The following NFATC2 variants were observed in gnomAD, a reference collection of about 807,000 sequenced individuals.
NFATC2 encodes nuclear factor of activated T cells 2, also known as nuclear factor of activated T-cells, cytoplasmic 2.
In NFATC2, 22 loss-of-function variants were observed where a neutral mutation model predicts 87.3. The observed-to-expected ratio is 0.25, with a 90% CI of 0.18 to 0.36. NFATC2 has a LOEUF of 0.36. Ranked by LOEUF, NFATC2 falls within the 10% of genes least tolerant of loss-of-function variation. The pLI, the probability that NFATC2 is intolerant of heterozygous loss-of-function variation, is 1.00. For synonymous variants in NFATC2, 565 were observed against 542.2 expected (o/e 1.04, Z -0.58); for missense variants, 1,149 against 1,259.1 (o/e 0.91, Z 1.32).
chr20:51,480,105 T>C lies in NFATC2; in HGVS notation c.1333-4445A>G, dbSNP rs543018396. Among the ~76,000 whole-genome samples the C allele has an allele frequency of 2.0e-5, 3 of 151,770 alleles. No individual in the cohort carries two copies. Among genetic ancestry groups the C allele is most frequent in the Admixed American group, 2.0e-4 (3 of 15,238 alleles). On this transcript the variant is annotated intron_variant, in intron 3 of 10. Coordinates refer to ENST00000371564, the MANE Select transcript of NFATC2 (RefSeq NM_012340.5). The surrounding 1 kb of genome is among the most constrained non-coding windows in gnomAD (Gnocchi z 4.2). ...GAGTTCAAGACCAGCCCGGGCAACATGGTGAAACCCCGTCTCTGTGAAAAA... is the reference window on the plus strand; with the variant it reads ...GAGTTCAAGACCAGCCCGGGCAACACGGTGAAACCCCGTCTCTGTGAAAAA...
At chr20:51,479,376 G>T (rs1304498058) in intron 3 of NFATC2, among the ~76,000 whole-genome samples, 1 of 152,126 alleles carries the variant, frequency 6.6e-6, no homozygotes, top group African/African-American at 2.4e-5. Context: ...CCAGCACATT[G>T]GGAGGCCAAG....
chr20:51,439,876 T>C (rs770639603), intron 6 of NFATC2, among the ~76,000 whole-genome samples: 2 of 152,192 alleles, frequency 1.3e-5, no homozygotes, highest in Non-Finnish European at 2.9e-5. Flanking sequence ...GAGATAATCA[T>C]AGTACCCACA....
chr20:51,431,416 C>A (rs984588479), intron 9 of NFATC2, among the ~76,000 whole-genome samples: 1 of 152,176 alleles, frequency 6.6e-6, no homozygotes, highest in Non-Finnish European at 1.5e-5. Context: ...CGGGCACCTA[C>A]AGACTCACAC....
intron 3 of NFATC2, among the ~76,000 whole-genome samples, chr20:51,489,166 G>A (rs2075839417): frequency 6.6e-6 from 1 of 152,210 alleles, no homozygotes; most frequent in Non-Finnish European, 1.5e-5. Context: ...CTGTAGCCTG[G>A]GCAACAGAGT....
rs749002817 is a variant in NFATC2 at position 51,435,773 on chromosome 20, C to T, written c.1850-12G>A. The T allele has an allele frequency of 6.3e-7, 1 of 1,590,794 alleles. No homozygotes were observed. The highest frequency in any genetic ancestry group is 1.1e-5 in the South Asian group (1 of 87,458). On this transcript the variant is annotated splice_polypyrimidine_tract_variant and intron_variant, in intron 6 of 10. Coordinates refer to ENST00000371564, the MANE Select transcript of NFATC2 (RefSeq NM_012340.5). ...AATTTGCTGTCCATCTAGAAAAATT[C>T]AAAAATGACAGACTTTGAAGGAACT...
chr20:51,432,395 G>T lies in NFATC2; in HGVS notation c.2394C>A (p.Leu798=). Residue 798 remains leucine (L), a synonymous_variant, in exon 9 of 11, where the codon CTC becomes CTA. Coordinates refer to ENST00000371564, the MANE Select transcript of NFATC2 (RefSeq NM_012340.5). The surrounding 1 kb of genome is among the most constrained non-coding windows in gnomAD (Gnocchi z 4.6). ...CCTGCTGGTTGGTCGGAGAGGGGTGGAGCAGGGCTGAGCTCTGGCCCTGGG... is the reference window on the plus strand; with the variant it reads ...CCTGCTGGTTGGTCGGAGAGGGGTGTAGCAGGGCTGAGCTCTGGCCCTGGG... ...AGSQGQSSAL[L]HPSPTNQQAS... 12 of 1,603,310 alleles carry T rather than the reference G, an allele frequency of 7.5e-6. No individual in the cohort carries two copies. Among genetic ancestry groups the T allele is most frequent in the Non-Finnish European group, 1.0e-5 (12 of 1,173,288 alleles).
At chr20:51,410,652 G>A (rs1308076568) in intron 9 of NFATC2, among the ~76,000 whole-genome samples, 1 of 152,096 alleles carries the variant, frequency 6.6e-6, no homozygotes, top group East Asian at 1.9e-4. Context: ...ATTATTTGGA[G>A]AGAAGGAAGA....
chr20:51,523,226 C>A lies in NFATC2; in HGVS notation c.1015G>T (p.Ala339Ser). 1 of 1,613,722 alleles carries A rather than the reference C, an allele frequency of 6.2e-7. No individual in the cohort carries two copies. Among genetic ancestry groups the A allele is most frequent in the Non-Finnish European group, 8.5e-7 (1 of 1,179,778 alleles). The stretch of plus-strand genomic sequence containing the variant: ...GGGTAGATGTGGCGAGGCAGGCCGG[C>A]CTTGGATGGGGCGGCAGACACCGGC... ...PSPVSAAPSK[A>S]GLPRHIYPAV... The change falls in exon 2 of 11, where the codon GCC becomes TCC. Residue 339 changes from alanine to serine, a missense_variant. Coordinates refer to ENST00000371564, the MANE Select transcript of NFATC2 (RefSeq NM_012340.5). This position sits in a 1 kb window ranked among gnomAD's most constrained non-coding sequence, Gnocchi z 6.9.
intron 6 of NFATC2, among the ~76,000 whole-genome samples, chr20:51,445,620 T>A (rs1490325047): frequency 6.6e-6 from 1 of 152,142 alleles, no homozygotes; most frequent in African/African-American, 2.4e-5. Context: ...CCCCCCTAAC[T>A]CCACACGCTT....
intron 1 of NFATC2, among the ~76,000 whole-genome samples, chr20:51,541,770 G>A (rs1200268584): frequency 1.3e-5 from 2 of 152,064 alleles, no homozygotes; most frequent in Non-Finnish European, 1.5e-5. Context: ...TAATACCAAA[G>A]GTTTTAACCC....
chr20:51,475,596 C>A lies in NFATC2; in HGVS notation c.1397G>T (p.Arg466Leu). 1.2e-6 allele frequency: 2 copies of A among 1,614,100 alleles called. No homozygotes were observed. The highest frequency in any genetic ancestry group is 1.7e-6 in the Non-Finnish European group (2 of 1,180,020). ...LQIFIGTADERILKPHAFYQV... is the reference protein window; with the variant it reads ...LQIFIGTADELILKPHAFYQV... ...GTAGAAGGCGTGCGGCTTAAGGATCCGCTCATCAGCTGTCCCAATGAAGAT... is the reference window on the plus strand; with the variant it reads ...GTAGAAGGCGTGCGGCTTAAGGATCAGCTCATCAGCTGTCCCAATGAAGAT... Residue 466 changes from arginine (R) to leucine (L), a missense_variant, in exon 4 of 11, where the codon CGG becomes CTG. Transcript: ENST00000371564.
chr20:51,445,449 CA>C lies in NFATC2; in HGVS notation c.1849+9098del, dbSNP rs901133172. ...TCTATCCAGAGTTACCAGATTTAAC[CA>C]ATAAAAATACAGGATGTTCAGTTAA... On this transcript the variant is annotated intron_variant, in intron 6 of 10. Coordinates refer to ENST00000371564, the MANE Select transcript of NFATC2 (RefSeq NM_012340.5). 6.6e-5 allele frequency among the ~76,000 whole-genome samples: 10 copies of C among 152,264 alleles called. 2 individuals carry two copies. Among genetic ancestry groups the C allele is most frequent in the Admixed American group, 2.0e-4 (3 of 15,294 alleles).
rs1250412873 is a variant in NFATC2 at position 51,389,094 on chromosome 20, G to C, written c.*2402C>G. 6.6e-6 allele frequency: 1 copy of C among 152,124 alleles called. No individual in the cohort carries two copies. The highest frequency in any genetic ancestry group is 1.5e-5 in the Non-Finnish European group (1 of 68,026). 9.4% of individuals were successfully genotyped at this position (152,124 alleles called of 1,614,324 possible). A position where few individuals can be genotyped will look rare whatever the true frequency, so the allele number is the denominator to read the frequency against. ...ATTTGTTACAGTTGTTTATGAAAGT[G>C]CTTCCTATAATATCCAGCTAAGATG... On this transcript the variant is annotated 3_prime_UTR_variant, in exon 11 of 11. Coordinates refer to ENST00000371564, the MANE Select transcript of NFATC2 (RefSeq NM_012340.5).
intron 5 of NFATC2, among the ~76,000 whole-genome samples, chr20:51,460,869 C>T (rs551968211): frequency 3.9e-4 from 59 of 152,262 alleles, no homozygotes; most frequent in African/African-American, 1.4e-3. Context: ...TCAGAAGGTG[C>T]TAGATAAAAA....
At chr20:51,429,297 G>A (rs574899054) in intron 9 of NFATC2, among the ~76,000 whole-genome samples, 1 of 152,356 alleles carries the variant, frequency 6.6e-6, no homozygotes, top group East Asian at 1.9e-4. Context: ...CCCATTGGAG[G>A]GTCCTGGGGT....
At chr20:51,457,341 G>A (rs1468227528) in intron 5 of NFATC2, among the ~76,000 whole-genome samples, 1 of 152,210 alleles carries the variant, frequency 6.6e-6, no homozygotes, top group Non-Finnish European at 1.5e-5. Context: ...ATCGCTACTG[G>A]GCAAGCCAGC....
At chr20:51,536,064 C>T (rs2076714713) in intron 1 of NFATC2, among the ~76,000 whole-genome samples, 2 of 152,198 alleles carry the variant, frequency 1.3e-5, no homozygotes, top group Non-Finnish European at 2.9e-5. Flanking sequence ...CAGGACCATC[C>T]ACCGGGATGG....
At chr20:51,543,603 G>C (rs2076859864), upstream of NFATC2, among the ~76,000 whole-genome samples, 1 of 152,196 alleles carries the variant, frequency 6.6e-6, no homozygotes, top group Non-Finnish European at 1.5e-5. Context: ...TGATGGGGCG[G>C]TTGGCAAGTG....
chr20:51,491,861 AAC>A (rs2075891550), intron 3 of NFATC2, among the ~76,000 whole-genome samples: 2 of 64,880 alleles, frequency 3.1e-5, no homozygotes, highest in African/African-American at 1.3e-4. Context: ...CACCCCCACC[AAC>A]ACACACATAC....
Sources: gnomAD v4.1 joint callset for allele counts (sites outside exome capture counted in the v4.1 genomes callset) on GRCh38, gnomAD v4.1.1 for gene constraint, Gnocchi (gnomAD v3.1) non-coding constraint, MANE v1.5 for transcripts, NCBI Gene and HGNC (gene_info 2026-07-23, HGNC 2026-07-21) for gene names.